The following USP42 variants were observed in gnomAD, a reference collection of about 807,000 sequenced individuals.
USP42 encodes the protein ubiquitin carboxyl-terminal hydrolase 42.
A neutral mutation model predicts 113.0 loss-of-function variants in USP42; 23 were observed. The observed-to-expected ratio is 0.20, with a 90% CI of 0.15 to 0.29. The LOEUF (loss-of-function observed/expected upper bound fraction) is 0.29. Among genes scored for constraint, USP42 ranks in the 10% least tolerant of loss-of-function variants. The pLI is 1.00. For synonymous variants in USP42, 933 were observed against 699.0 expected (o/e 1.33, Z -5.28); for missense variants, 2,174 against 1,779.8 (o/e 1.22, Z -3.99).
At chr7:6,138,989 G>GGA in intron 4 of USP42, 103 bp from the exon 5 acceptor site, 1 of 689,480 alleles carries the variant, frequency 1.5e-6, no homozygotes, top group Middle Eastern at 3.0e-4. Flanking sequence ...TAAGTATTTG[G>GGA]GAGTTTTCCA....
chr7:6,116,123 GTC>G (rs1028131685), intron 3 of USP42, among the ~76,000 whole-genome samples: 9 of 124,374 alleles, frequency 7.2e-5, no homozygotes, highest in Admixed American at 7.0e-4. Flanking sequence ...AAAAAAAAAC[GTC>G]TGATGCCAGC....
At chr7:6,128,877 G>A (rs1019753739) in intron 3 of USP42, among the ~76,000 whole-genome samples, 1 of 151,994 alleles carries the variant, frequency 6.6e-6, no homozygotes, top group Non-Finnish European at 1.5e-5. Context: ...CTGGAGTGTG[G>A]TTGCACCATC....
Position 6,160,752 on chromosome 7 carries a change from T to C in USP42, c.*234T>C, listed in dbSNP as rs1473000913. ...GAACACTTTCTACCACTGCTGACCA[T>C]TGTAAAATACCGTGTATATAAATCC... is the stretch of plus-strand genomic sequence containing the variant. On this transcript the variant is annotated 3_prime_UTR_variant, in exon 18 of 18. Transcript: ENST00000306177. 2.0e-5 allele frequency: 3 copies of C among 152,640 alleles called. No homozygotes were observed. Among genetic ancestry groups the C allele is most frequent in the Non-Finnish European group, 4.4e-5 (3 of 68,036 alleles). The allele number at this position is 152,640 out of a possible 1,614,324, so 9.5% of individuals were successfully genotyped here.
chr7:6,154,873 C>A lies in USP42; in HGVS notation c.3319C>A (p.Arg1107=). Residue 1107 remains arginine (R), a synonymous_variant, in exon 15 of 18, where the codon CGG becomes AGG. Coordinates refer to ENST00000306177, the MANE Select transcript of USP42 (RefSeq NM_032172.3). ...NRGRRGCEPA[R]ERERHRPSSP... ...GGGCCGTAGGGGCTGCGAGCCGGCC[C>A]GGGAGAGGGAGCGGCACCGCCCCAG... The A allele has an allele frequency of 2.6e-6, 4 of 1,527,902 alleles. No individual in the cohort carries two copies. Among genetic ancestry groups the A allele is most frequent in the Non-Finnish European group, 3.5e-6 (4 of 1,135,978 alleles). 94.6% of individuals were successfully genotyped at this position (1,527,902 alleles called of 1,614,324 possible).
In USP42 at chr7:6,156,923, C is replaced by A. The variant is rs370494852; in HGVS notation, c.3811C>A (p.Arg1271=). ...CAGCTTGGAGACTGTCGCCCAGTTC[C>A]GGAGAGCCCAGGGTGGCTTTCCTCT... is the stretch of plus-strand genomic sequence containing the variant. The part of the protein sequence containing the change: ...VTSLETVAQF[R]RAQGGFPLSG... The change falls in exon 16 of 18, where the codon CGG becomes AGG. Residue 1271 remains arginine, a synonymous_variant. Transcript: ENST00000306177. 1.2e-6 allele frequency: 2 copies of A among 1,613,782 alleles called. No individual in the cohort carries two copies. Among genetic ancestry groups the A allele is most frequent in the African/African-American group, 2.7e-5 (2 of 74,914 alleles).
At chr7:6,105,708 C>G (rs1271078610) in intron 1 of USP42, among the ~76,000 whole-genome samples, 1 of 152,222 alleles carries the variant, frequency 6.6e-6, no homozygotes, top group Non-Finnish European at 1.5e-5. Context: ...GCATGTGTGC[C>G]TCTCTAGCGT....
chr7:6,085,622 A>ATTTTT, the USP42 span, among the ~76,000 whole-genome samples: 25 of 139,874 alleles, frequency 1.8e-4, 1 homozygote, highest in African/African-American at 6.9e-4. Flanking sequence ...ATATATATAT[A>ATTTTT]TATTTTTTTT....
At chr7:6,140,030 C>T in intron 5 of USP42, 98 bp from the exon 6 acceptor site, 1 of 1,126,124 alleles carries the variant, frequency 8.9e-7, no homozygotes, top group South Asian at 1.2e-5. Context: ...TGTTTGAATT[C>T]TTGATCTTTT....
At chr7:6,134,797 T>A (rs1781039055) in intron 3 of USP42, among the ~76,000 whole-genome samples, 1 of 152,154 alleles carries the variant, frequency 6.6e-6, no homozygotes, top group African/African-American at 2.4e-5. Flanking sequence ...TCTTTCTTTG[T>A]TTTTTTGAGA....
In USP42 at chr7:6,120,558, T is replaced by G. The variant is rs186286865; in HGVS notation, c.442+5035T>G. ...GTGCCCAGCCTCTTGCCTCAGCCTTTCAAAGTGTTGGGATTTCAGGCATGA... is the reference window on the plus strand; with the variant it reads ...GTGCCCAGCCTCTTGCCTCAGCCTTGCAAAGTGTTGGGATTTCAGGCATGA... On this transcript the variant is annotated intron_variant, in intron 3 of 17. Transcript: ENST00000306177. Among the ~76,000 whole-genome samples, 95 of 151,146 alleles carry G rather than the reference T, an allele frequency of 6.3e-4. 1 individual carries two copies. Among genetic ancestry groups the G allele is most frequent in the African/African-American group, 2.2e-3 (92 of 41,110 alleles).
chr7:6,145,265 A>C (rs1781652246), intron 9 of USP42, among the ~76,000 whole-genome samples: 1 of 151,376 alleles, frequency 6.6e-6, no homozygotes, highest in South Asian at 2.1e-4. Flanking sequence ...CGGGAGGCGG[A>C]GCTTCCAGTG....
At chr7:6,142,489 T>C (rs1160774778) in intron 7 of USP42, among the ~76,000 whole-genome samples, 1 of 152,224 alleles carries the variant, frequency 6.6e-6, no homozygotes, top group African/African-American at 2.4e-5. Context: ...GTGCTGGGAT[T>C]ACAGGCGTGA....
chr7:6,104,443 G>A (rs1440981328), upstream of USP42, among the ~76,000 whole-genome samples: 1 of 152,262 alleles, frequency 6.6e-6, no homozygotes, highest in Admixed American at 6.5e-5. Flanking sequence ...GGAGGCGCAA[G>A]GTAGTTGCAG....
chr7:6,143,346 A>G (rs1252609406), intron 8 of USP42, among the ~76,000 whole-genome samples: 8 of 152,066 alleles, frequency 5.3e-5, no homozygotes, highest in African/African-American at 1.2e-4. Flanking sequence ...TAGCATTTTC[A>G]TTGACTTTCT....
the USP42 span, among the ~76,000 whole-genome samples, chr7:6,097,928 T>TG: frequency 2.0e-5 from 2 of 100,434 alleles, no homozygotes; most frequent in African/African-American, 4.3e-5. Flanking sequence ...TTTTTTGAGA[T>TG]GGAGTCTCAC....
intron 4 of USP42, among the ~76,000 whole-genome samples, chr7:6,137,240 T>C (rs934770800): frequency 3.9e-5 from 6 of 152,272 alleles, no homozygotes; most frequent in Non-Finnish European, 8.8e-5. Context: ...AGGTCTTATA[T>C]TGGCCCTTGG....
At chr7:6,142,521 A>T (rs553263169) in intron 7 of USP42, among the ~76,000 whole-genome samples, 7 of 151,882 alleles carry the variant, frequency 4.6e-5, no homozygotes, top group African/African-American at 1.7e-4. Context: ...CGCCCGGAAA[A>T]TTTTCTTTTT....
At chr7:6,135,481 C>G (rs28758696) in intron 3 of USP42, among the ~76,000 whole-genome samples, 11,936 of 151,326 alleles carry the variant, frequency 0.079, 633 homozygotes, top group African/African-American at 0.14. Context: ...AACCCCATCT[C>G]TACTAAAAAT....
intron 1 of USP42, among the ~76,000 whole-genome samples, chr7:6,110,010 T>G (rs1583573295): frequency 6.6e-6 from 1 of 151,846 alleles, no homozygotes. Flanking sequence ...TAATTTTTGT[T>G]TTTCGTAGAG....
Sources: allele counts gnomAD v4.1 joint callset (sites outside exome capture counted in the v4.1 genomes callset), GRCh38; gene constraint gnomAD v4.1.1; transcripts MANE v1.5; gene names NCBI Gene and HGNC (gene_info 2026-07-23, HGNC 2026-07-21).